IQGAP2: variants seen among roughly 807,000 people sequenced by gnomAD.
IQGAP2 encodes the protein IQ motif containing GTPase activating protein 2.
A neutral mutation model predicts 201.3 loss-of-function variants in IQGAP2; 173 were observed. That is an observed-to-expected ratio of 0.86 (90% CI 0.76 to 0.98). The LOEUF (loss-of-function observed/expected upper bound fraction) is 0.98, where lower values mean the gene tolerates loss of function less well. IQGAP2 is among the 50% of genes least tolerant of loss of function. IQGAP2 has a pLI of 0.00. For missense variants in IQGAP2, 1,687 were observed against 1,864.8 expected (o/e 0.90, Z 1.76); for synonymous variants, 675 against 673.9 (o/e 1.00, Z -0.03).
At chr5:76,419,967 T>C (rs1751637834) in intron 1 of IQGAP2, among the ~76,000 whole-genome samples, 2 of 152,194 alleles carry the variant, frequency 1.3e-5, no homozygotes, top group African/African-American at 4.8e-5. Context: ...TATAGCCATG[T>C]TTTAGGACCC....
chr5:76,403,429 G>T lies in IQGAP2; in HGVS notation c.-117G>T. On this transcript the variant is annotated 5_prime_UTR_variant, in exon 1 of 36. Transcript: ENST00000274364. The surrounding 1 kb of genome is among the most constrained non-coding windows in gnomAD (Gnocchi z 4.8). ...GGGTCGCAGATCTTCGGGCGGCTAG[G>T]GGAAATCGGCGAGAGGCGGGATCCG... is the stretch of plus-strand genomic sequence containing the variant. The T allele has an allele frequency of 1.4e-6, 1 of 729,832 alleles. No homozygotes were observed. Among genetic ancestry groups the T allele is most frequent in the South Asian group, 3.5e-5 (1 of 28,838 alleles). The allele number at this position is 729,832 out of a possible 1,614,324, so 45.2% of individuals were successfully genotyped here.
At chr5:76,459,138 A>G (rs1580237231) in intron 1 of IQGAP2, among the ~76,000 whole-genome samples, 1 of 152,206 alleles carries the variant, frequency 6.6e-6, no homozygotes, top group East Asian at 1.9e-4. Flanking sequence ...TAATTCACAC[A>G]TTAAGTAAAA....
At chr5:76,610,050 T>TC (rs1748154396) in intron 12 of IQGAP2, among the ~76,000 whole-genome samples, 1 of 19,062 alleles carries the variant, frequency 5.2e-5, no homozygotes, top group African/African-American at 3.0e-4. Context: ...TGTTCTCTCT[T>TC]TCTCTCTCTC....
At chr5:76,592,051 C>G (rs1247724302) in intron 8 of IQGAP2, among the ~76,000 whole-genome samples, 1 of 152,210 alleles carries the variant, frequency 6.6e-6, no homozygotes, top group Non-Finnish European at 1.5e-5. Context: ...CTTCTGACCT[C>G]ATTGCATGAC....
chr5:76,601,109 T>C, intron 11 of IQGAP2, 137 bp downstream of exon 11: 1 of 725,550 alleles, frequency 1.4e-6, no homozygotes, highest in Non-Finnish European at 2.2e-6. Flanking sequence ...GTTTTAAGAG[T>C]CCTTCTAATT....
intron 13 of IQGAP2, among the ~76,000 whole-genome samples, chr5:76,622,117 C>A (rs940829235): frequency 1.3e-5 from 2 of 152,078 alleles, no homozygotes; most frequent in Non-Finnish European, 2.9e-5. Context: ...TCACATTTCT[C>A]CCCCACCCCA....
intron 1 of IQGAP2, among the ~76,000 whole-genome samples, chr5:76,441,882 T>A (rs1753062904): frequency 6.6e-6 from 1 of 152,216 alleles, no homozygotes; most frequent in African/African-American, 2.4e-5. Flanking sequence ...GGAATGAAGT[T>A]CAGGCCTTTG....
At chr5:76,593,550 G>A (rs980816493) in intron 9 of IQGAP2, among the ~76,000 whole-genome samples, 11 of 152,164 alleles carry the variant, frequency 7.2e-5, no homozygotes, top group African/African-American at 1.2e-4. Context: ...TAAAATAAGC[G>A]TATGCAGGTT....
At chr5:76,614,924 G>T (rs953817845) in intron 13 of IQGAP2, among the ~76,000 whole-genome samples, 1 of 152,190 alleles carries the variant, frequency 6.6e-6, no homozygotes, top group Admixed American at 6.5e-5. Flanking sequence ...GTCACAATGG[G>T]TAACATCTTC....
chr5:76,654,181 AT>A lies in IQGAP2; in HGVS notation c.2179-13del. 1 of 1,572,798 alleles carries A rather than the reference AT, an allele frequency of 6.4e-7. No individual in the cohort carries two copies. Among genetic ancestry groups the A allele is most frequent in the Non-Finnish European group, 8.7e-7 (1 of 1,151,864 alleles). On this transcript the variant is annotated intron_variant, in intron 18 of 35. Transcript: ENST00000274364. ...TCTTTATTTTTTGTTGTACTTTTCT[AT>A]TTTTTAAAACCTTTCAGATTCAGTC...
intron 13 of IQGAP2, among the ~76,000 whole-genome samples, chr5:76,619,601 C>A (rs1749407211): frequency 6.6e-6 from 1 of 151,312 alleles, no homozygotes; most frequent in Admixed American, 6.6e-5. Context: ...ACTGCAACCT[C>A]CGCCTCCCGG....
At chr5:76,662,341 C>G (rs146503419) in intron 21 of IQGAP2, among the ~76,000 whole-genome samples, 1 of 152,188 alleles carries the variant, frequency 6.6e-6, no homozygotes, top group Non-Finnish European at 1.5e-5. Context: ...CCTGCCTTCA[C>G]CAACTCTCTC....
chr5:76,445,523 G>A (rs904013182), intron 1 of IQGAP2, among the ~76,000 whole-genome samples: 2 of 149,754 alleles, frequency 1.3e-5, no homozygotes, highest in African/African-American at 4.9e-5. Context: ...GGAGTGCAAT[G>A]GTGTGGTCTC....
chr5:76,556,313 T>C (rs753796163), intron 2 of IQGAP2, among the ~76,000 whole-genome samples: 3 of 152,126 alleles, frequency 2.0e-5, no homozygotes, highest in Non-Finnish European at 1.5e-5. Flanking sequence ...TCTTGTCTGC[T>C]CCTTTACAGT....
At chr5:76,701,245 G>A (rs372332254) in intron 34 of IQGAP2, 32 bp downstream of exon 34, 42 of 1,604,310 alleles carry the variant, frequency 2.6e-5, no homozygotes, top group Non-Finnish European at 3.4e-5. Context: ...CATAGAACAC[G>A]CATGCCATTT....
chr5:76,668,888 C>G lies in IQGAP2; in HGVS notation c.2843+44C>G, dbSNP rs191673124. On this transcript the variant is annotated intron_variant, in intron 23 of 35. Transcript: ENST00000274364. ...ATGTAAAAATACCAGTGAATCAATC[C>G]TTTTGTTAGTGGTGGCTGTCTTTGA... The G allele has an allele frequency of 5.2e-5, 65 of 1,247,500 alleles. No individual in the cohort carries two copies. In the East Asian group the frequency reaches 1.6e-3, roughly 30 times the overall value. The allele number at this position is 1,247,500 out of a possible 1,614,324, so 77.3% of individuals were successfully genotyped here.
rs113694910 is a variant in IQGAP2 at position 76,476,065 on chromosome 5, G to A, written c.146+14396G>A. Among the ~76,000 whole-genome samples the A allele has an allele frequency of 5.8e-3, 882 of 152,284 alleles. 7 individuals carry two copies. Among genetic ancestry groups the A allele is most frequent in the African/African-American group, 0.02 (842 of 41,564 alleles). On this transcript the variant is annotated intron_variant, in intron 2 of 35. Transcript: ENST00000274364. ...TAAGAATAAGGAAGTGGAGAAGTGA[G>A]TAAATAGAAAGGCTATAGTCCAAGA...
chr5:76,553,427 G>A lies in IQGAP2; in HGVS notation c.147-8969G>A, dbSNP rs748459237. Reference sequence around the variant, plus strand: ...TCTGTTCTTGGCCAGCAGTTCTACCGTCAGGATACTTATTCCATACAGCAC... The same window carrying A: ...TCTGTTCTTGGCCAGCAGTTCTACCATCAGGATACTTATTCCATACAGCAC... On this transcript the variant is annotated intron_variant, in intron 2 of 35. Coordinates refer to ENST00000274364, the MANE Select transcript of IQGAP2 (RefSeq NM_006633.5). 4.6e-5 allele frequency among the ~76,000 whole-genome samples: 7 copies of A among 152,278 alleles called. No homozygotes were observed. In the East Asian group the frequency reaches 7.7e-4, roughly 17 times the overall value.
intron 13 of IQGAP2, among the ~76,000 whole-genome samples, chr5:76,622,403 T>G (rs1236397323): frequency 6.6e-6 from 1 of 152,212 alleles, no homozygotes; most frequent in Non-Finnish European, 1.5e-5. Flanking sequence ...CAATGTTCCT[T>G]TAGAAAGCAT....
Sources: allele counts gnomAD v4.1 joint callset (sites outside exome capture counted in the v4.1 genomes callset), GRCh38; gene constraint gnomAD v4.1.1; non-coding constraint Gnocchi (gnomAD v3.1); transcripts MANE v1.5; gene names NCBI Gene and HGNC (gene_info 2026-07-23, HGNC 2026-07-21).